Variants in DGCR2 observed in about 807,000 individuals in gnomAD.
DGCR2 encodes DiGeorge syndrome critical region gene 2, also known as integral membrane protein DGCR2/IDD.
Under a neutral mutation model 51.6 loss-of-function variants are expected in DGCR2, and 24 were observed. The observed-to-expected ratio is 0.47, with a 90% CI of 0.34 to 0.65. The LOEUF (loss-of-function observed/expected upper bound fraction) is 0.65. DGCR2 is among the 30% of genes least tolerant of loss of function. The pLI, the probability that DGCR2 is intolerant of heterozygous loss-of-function variation, is 0.01. For missense variants in DGCR2, 765 were observed against 772.1 expected, an observed-to-expected ratio of 0.99 and a Z score of 0.11; for synonymous variants, 340 against 315.4, an observed-to-expected ratio of 1.08 and a Z score of -0.82.
At chr22:19,071,232 C>T (rs1211318809) in intron 2 of DGCR2, among the ~76,000 whole-genome samples, 2 of 152,236 alleles carry the variant, frequency 1.3e-5, no homozygotes, top group Non-Finnish European at 2.9e-5. Flanking sequence ...GCCTCCAGCA[C>T]CACTAGAGTG....
intron 1 of DGCR2, among the ~76,000 whole-genome samples, chr22:19,094,731 AAC>A (rs1001204529): frequency 3.3e-5 from 5 of 152,258 alleles, no homozygotes; most frequent in Non-Finnish European, 7.3e-5. Flanking sequence ...GCTGGAAACA[AAC>A]AGTGTCTATC....
chr22:19,064,747 G>A (rs1413023847), intron 4 of DGCR2, 101 bp downstream of exon 4: 7 of 1,179,016 alleles, frequency 5.9e-6, no homozygotes, highest in Non-Finnish European at 8.5e-6. Flanking sequence ...CCTGCTGTCT[G>A]CCAGCTGTGC....
At chr22:19,095,048 C>CA (rs1601279768) in intron 1 of DGCR2, among the ~76,000 whole-genome samples, 1 of 152,340 alleles carries the variant, frequency 6.6e-6, no homozygotes, top group East Asian at 1.9e-4. Flanking sequence ...GTGACGGTTT[C>CA]ACAGATTTAT....
chr22:19,066,448 C>G (rs571798174), intron 3 of DGCR2, among the ~76,000 whole-genome samples: 30 of 152,040 alleles, frequency 2.0e-4, no homozygotes, highest in African/African-American at 7.0e-4. Flanking sequence ...AAAAACAAAA[C>G]AACAATAAAA....
chr22:19,114,711 C>G (rs2083355415), intron 1 of DGCR2, among the ~76,000 whole-genome samples: 1 of 152,228 alleles, frequency 6.6e-6, no homozygotes. Context: ...TGCTGTGACT[C>G]CTGCCCCTCA....
At chr22:19,099,007 T>C (rs2800958) in intron 1 of DGCR2, among the ~76,000 whole-genome samples, 62,564 of 152,008 alleles carry the variant, frequency 0.41, 13,331 homozygotes, top group African/African-American at 0.53. Flanking sequence ...CATATTCTGC[T>C]AGCAGACAAT....
intron 1 of DGCR2, among the ~76,000 whole-genome samples, chr22:19,109,227 G>A (rs1013469292): frequency 6.6e-6 from 1 of 152,178 alleles, no homozygotes; most frequent in Non-Finnish European, 1.5e-5. Context: ...ATGGAAGACA[G>A]CATGGAGTTT....
chr22:19,074,307 T>A (rs903776540), intron 2 of DGCR2, among the ~76,000 whole-genome samples: 20 of 150,310 alleles, frequency 1.3e-4, no homozygotes, highest in Middle Eastern at 3.5e-3. Context: ...GCACCTGTAA[T>A]CCCGGCTACT....
At chr22:19,060,709 C>A in intron 5 of DGCR2, 1 of 307,606 alleles carries the variant, frequency 3.3e-6, no homozygotes, top group South Asian at 2.7e-5. Context: ...CTCATGTCTT[C>A]TGGCAGCAGC....
chr22:19,119,248 G>A (rs903427187), intron 1 of DGCR2, among the ~76,000 whole-genome samples: 2 of 152,128 alleles, frequency 1.3e-5, no homozygotes, highest in East Asian at 1.9e-4. Flanking sequence ...GGTGCATGAT[G>A]GGGGGAAGGC....
At chr22:19,095,440 T>C (rs1219870044) in intron 1 of DGCR2, among the ~76,000 whole-genome samples, 11 of 151,924 alleles carry the variant, frequency 7.2e-5, no homozygotes, top group Non-Finnish European at 1.0e-4. Flanking sequence ...GGCAGGCAAA[T>C]CATGAAGTCA....
At chr22:19,084,703 C>T (rs1181711345) in intron 2 of DGCR2, among the ~76,000 whole-genome samples, 3 of 114,422 alleles carry the variant, frequency 2.6e-5, no homozygotes, top group African/African-American at 8.9e-5. Context: ...CTGCCCCGTC[C>T]GGGAGGGAGG....
At chr22:19,079,898 G>C (rs2082917616) in intron 2 of DGCR2, among the ~76,000 whole-genome samples, 1 of 152,234 alleles carries the variant, frequency 6.6e-6, no homozygotes, top group African/African-American at 2.4e-5. Flanking sequence ...TTTTCTTCTA[G>C]ATCTGGTCAG....
chr22:19,063,234 G>A lies in DGCR2; in HGVS notation c.593C>T (p.Ser198Phe). 6.2e-7 allele frequency: 1 copy of A among 1,614,198 alleles called. No homozygotes were observed. The highest frequency in any genetic ancestry group is 8.5e-7 in the Non-Finnish European group (1 of 1,180,040). The change falls in exon 5 of 10, where the codon TCC becomes TTC. Residue 198 changes from serine to phenylalanine, a missense_variant. Physicochemically the swap from Ser to Phe is radical, Grantham distance 155. Coordinates refer to ENST00000263196, the MANE Select transcript of DGCR2 (RefSeq NM_005137.3). ...YQYVITGRNRSLEGRWEVAFK... is the reference protein window; with the variant it reads ...YQYVITGRNRFLEGRWEVAFK... ...TGCCACCTCCCAGCGACCTTCCAAG[G>A]AGCGGTTCCGGCCAGTGATAACATA...
At chr22:19,055,202 G>A (rs2082588671) in intron 6 of DGCR2, among the ~76,000 whole-genome samples, 3 of 152,032 alleles carry the variant, frequency 2.0e-5, no homozygotes, top group Admixed American at 2.0e-4. Flanking sequence ...AAACCATGAG[G>A]ATGGTTTAAC....
chr22:19,048,411 G>A (rs762311138), intron 7 of DGCR2, 29 bp downstream of exon 7: 1 of 1,612,618 alleles, frequency 6.2e-7, no homozygotes, highest in South Asian at 1.1e-5. Context: ...TAGGGAGGCT[G>A]ACTTGGGACG....
chr22:19,048,315 G>A, intron 7 of DGCR2, 125 bp downstream of exon 7: 1 of 988,028 alleles, frequency 1.0e-6, no homozygotes, highest in South Asian at 1.5e-5. Context: ...GACAAACGCT[G>A]CCATTGCTGC....
Position 19,041,182 on chromosome 22 carries a change from G to C in DGCR2, c.1272C>G (p.Phe424Leu), listed in dbSNP as rs753836988. Residue 424 changes from phenylalanine (F) to leucine (L), a missense_variant, in exon 9 of 10, where the codon TTC becomes TTG. Coordinates refer to ENST00000263196, the MANE Select transcript of DGCR2 (RefSeq NM_005137.3). ...HLSDDGEGGTFHFHDPPPPYT... is the reference protein window; with the variant it reads ...HLSDDGEGGTLHFHDPPPPYT... Reference sequence around the variant, plus strand: ...AGGGAGGTGGAGGGTCGTGGAAATGGAAAGTCCCACCCTCTCCGTCGTCAG... The same window carrying C: ...AGGGAGGTGGAGGGTCGTGGAAATGCAAAGTCCCACCCTCTCCGTCGTCAG... 1.9e-6 allele frequency: 3 copies of C among 1,613,930 alleles called. No individual in the cohort carries two copies. Among genetic ancestry groups the C allele is most frequent in the African/African-American group, 1.3e-5 (1 of 74,962 alleles).
At position 19,116,352 on chromosome 22, in the gene DGCR2, G is replaced by T. The variant is rs547418409; in HGVS notation, c.79+5776C>A. 1.6e-3 allele frequency among the ~76,000 whole-genome samples: 246 copies of T among 152,376 alleles called. 3 individuals carry two copies. In the South Asian group the frequency reaches 0.03, roughly 19 times the overall value. On this transcript the variant is annotated intron_variant, in intron 1 of 9. Coordinates refer to ENST00000263196, the MANE Select transcript of DGCR2 (RefSeq NM_005137.3). Reference sequence around the variant, plus strand: ...CAAGCCCGCCATGTCCACACTGACAGGACACACAGCTTGGAATGGCAGGAT... The same window carrying T: ...CAAGCCCGCCATGTCCACACTGACATGACACACAGCTTGGAATGGCAGGAT...
Sources: gnomAD v4.1 joint callset for allele counts (sites outside exome capture counted in the v4.1 genomes callset) on GRCh38, gnomAD v4.1.1 for gene constraint, MANE v1.5 for transcripts, NCBI Gene and HGNC (gene_info 2026-07-23, HGNC 2026-07-21) for gene names.